HCN1: variants seen among roughly 807,000 people sequenced by gnomAD.
The protein encoded by HCN1 is potassium/sodium hyperpolarization-activated cyclic nucleotide-gated channel 1.
HCN1 carries 13 observed loss-of-function variants against 78.9 expected under a neutral mutation model. The ratio of observed to expected loss-of-function variants is 0.16; its 90% CI spans 0.11 to 0.26. The LOEUF is 0.26. Ranked by LOEUF, HCN1 falls within the 10% of genes least tolerant of loss-of-function variation. The pLI is 1.00. For synonymous variants in HCN1, 552 were observed against 455.5 expected (o/e 1.21, Z -2.70); for missense variants, 810 against 1,154.3 (o/e 0.70, Z 4.32).
rs1561248449 is a variant in HCN1 at position 45,695,865 on chromosome 5, G to T, written c.229C>A (p.Pro77Thr). 1.3e-6 allele frequency: 2 copies of T among 1,573,310 alleles called. No individual in the cohort carries two copies. The highest frequency in any genetic ancestry group is 1.4e-5 in the African/African-American group (1 of 72,632). The change falls in exon 1 of 8, where the codon CCG (proline) becomes ACG (threonine). Residue 77 changes from proline to threonine, a missense_variant. Transcript: ENST00000303230. ...GGGGGGGGEE[P>T]AGGFEDAEGP... is the part of the protein sequence containing the mutation. ...TCGGCGTCTTCGAAGCCCCCCGCCG[G>T]CTCCTCGCCGCCGCCGCCGCCGCCG...
At chr5:45,334,155 A>G (rs1182935970) in intron 5 of HCN1, among the ~76,000 whole-genome samples, 1 of 151,896 alleles carries the variant, frequency 6.6e-6, no homozygotes, top group Non-Finnish European at 1.5e-5. Flanking sequence ...TTTTAGTTGT[A>G]TTTGCACATA....
chr5:45,379,093 TG>T (rs929848269), intron 4 of HCN1, among the ~76,000 whole-genome samples: 3 of 152,150 alleles, frequency 2.0e-5, no homozygotes. Flanking sequence ...CGTGTGCATG[TG>T]TCTTTATAGC....
intron 1 of HCN1, among the ~76,000 whole-genome samples, chr5:45,672,415 A>C (rs571394937): frequency 6.6e-6 from 1 of 151,646 alleles, no homozygotes; most frequent in African/African-American, 2.4e-5. Flanking sequence ...GGATGTTTTC[A>C]GATGCCACTT....
In HCN1 at chr5:45,660,694, A is replaced by C. The variant is rs1433870251; in HGVS notation, c.426-15086T>G. 9.2e-5 allele frequency among the ~76,000 whole-genome samples: 13 copies of C among 140,752 alleles called. No homozygotes were observed. The East Asian group carries it at 2.2e-3, about 24-fold the overall frequency. The allele number at this position is 140,752 out of a possible 152,430, so 92.3% of individuals were successfully genotyped here. A position where few individuals can be genotyped will look rare whatever the true frequency, so the allele number is the denominator to read the frequency against. ...ACAGACTTTAAACCAACAAAGATCAAAAGAGACAAAGAAGGCCATTACATA... is the reference window on the plus strand; with the variant it reads ...ACAGACTTTAAACCAACAAAGATCACAAGAGACAAAGAAGGCCATTACATA... On this transcript the variant is annotated intron_variant, in intron 1 of 7. Coordinates refer to ENST00000303230, the MANE Select transcript of HCN1 (RefSeq NM_021072.4).
chr5:45,614,590 C>A (rs1744905595), intron 2 of HCN1, among the ~76,000 whole-genome samples: 1 of 151,984 alleles, frequency 6.6e-6, no homozygotes, highest in East Asian at 1.9e-4. Flanking sequence ...CAAATATATT[C>A]ATCTCTCACT....
At chr5:45,694,254 A>G (rs1459699435) in intron 1 of HCN1, among the ~76,000 whole-genome samples, 1 of 152,334 alleles carries the variant, frequency 6.6e-6, no homozygotes, top group African/African-American at 2.4e-5. Context: ...ATTAGGTTTT[A>G]TAAGTTCTCC....
chr5:45,370,577 A>G (rs1401358935), intron 4 of HCN1, among the ~76,000 whole-genome samples: 1 of 152,032 alleles, frequency 6.6e-6, no homozygotes, highest in African/African-American at 2.4e-5. Flanking sequence ...AAATAATAGA[A>G]ACTACATATT....
intron 5 of HCN1, among the ~76,000 whole-genome samples, chr5:45,313,497 C>T (rs1194739903): frequency 6.6e-6 from 1 of 152,124 alleles, no homozygotes; most frequent in Non-Finnish European, 1.5e-5. Flanking sequence ...CTCGCCAGCA[C>T]CAGAACAAAG....
intron 2 of HCN1, among the ~76,000 whole-genome samples, chr5:45,605,473 C>A (rs1400734054): frequency 6.6e-6 from 1 of 151,278 alleles, no homozygotes; most frequent in Non-Finnish European, 1.5e-5. Context: ...AATTTCTGCA[C>A]CATTACTTAA....
chr5:45,405,094 C>A (rs979521139), intron 3 of HCN1, among the ~76,000 whole-genome samples: 10 of 152,044 alleles, frequency 6.6e-5, no homozygotes. Context: ...AGTATAAATT[C>A]TTTAGAGCTA....
intron 2 of HCN1, among the ~76,000 whole-genome samples, chr5:45,493,650 G>A (rs1474172537): frequency 6.6e-6 from 1 of 150,476 alleles, no homozygotes; most frequent in Non-Finnish European, 1.5e-5. Flanking sequence ...TGCACAATGT[G>A]CAGGTTAGTT....
intron 5 of HCN1, among the ~76,000 whole-genome samples, chr5:45,320,036 C>T (rs1233480591): frequency 6.6e-6 from 1 of 151,794 alleles, no homozygotes; most frequent in Admixed American, 6.6e-5. Context: ...ATAATTTCCA[C>T]CATTACACAA....
chr5:45,544,661 T>C (rs1579959855), intron 2 of HCN1, among the ~76,000 whole-genome samples: 1 of 138,412 alleles, frequency 7.2e-6, no homozygotes, highest in Admixed American at 7.7e-5. Flanking sequence ...CCAAGTGTTC[T>C]CACTGTTCAA....
Position 45,603,905 on chromosome 5 carries a change from G to A in HCN1, c.849+41280C>T, listed in dbSNP as rs558488532. Among the ~76,000 whole-genome samples, 136 of 152,042 alleles carry A rather than the reference G, an allele frequency of 8.9e-4. 1 individual carries two copies. Among genetic ancestry groups the A allele is most frequent in the African/African-American group, 2.9e-3 (120 of 41,504 alleles). ...CCTTTTGATCAGTATGACAAAATAC[G>A]GTGTTTATTATTGAATAGGTTTATT... On this transcript the variant is annotated intron_variant, in intron 2 of 7. Coordinates refer to ENST00000303230, the MANE Select transcript of HCN1 (RefSeq NM_021072.4).
intron 5 of HCN1, among the ~76,000 whole-genome samples, chr5:45,304,250 G>A (rs1432597926): frequency 6.7e-6 from 1 of 149,384 alleles, no homozygotes; most frequent in African/African-American, 2.5e-5. Flanking sequence ...TCCTGCTTCT[G>A]TGCTCCTTTT....
intron 4 of HCN1, among the ~76,000 whole-genome samples, chr5:45,374,301 GTATACATTATATACATTA>G (rs71000632): frequency 8.9e-5 from 11 of 124,012 alleles, no homozygotes; most frequent in East Asian, 8.8e-4. Context: ...TATATATATT[GTATACATTATATACATTA>G]TATACATTAT....
At chr5:45,580,663 T>C (rs925689517) in intron 2 of HCN1, among the ~76,000 whole-genome samples, 24 of 152,136 alleles carry the variant, frequency 1.6e-4, no homozygotes, top group Non-Finnish European at 3.5e-4. Flanking sequence ...ATATTAGGTA[T>C]ATCTCATAAT....
intron 1 of HCN1, 94 bp downstream of exon 1, chr5:45,695,575 T>C: frequency 3.9e-6 from 4 of 1,014,386 alleles, no homozygotes; most frequent in Non-Finnish European, 2.9e-6. Flanking sequence ...CCGCCCGCCC[T>C]CCTAGTCCCC....
chr5:45,550,575 A>C (rs1301651736), intron 2 of HCN1, among the ~76,000 whole-genome samples: 1 of 152,096 alleles, frequency 6.6e-6, no homozygotes, highest in Non-Finnish European at 1.5e-5. Flanking sequence ...CAGCATACCA[A>C]CATGGCACAT....
Sources: allele counts gnomAD v4.1 joint callset (sites outside exome capture counted in the v4.1 genomes callset), GRCh38; gene constraint gnomAD v4.1.1; transcripts MANE v1.5; gene names NCBI Gene and HGNC (gene_info 2026-07-23, HGNC 2026-07-21).